VRK2: variants seen among roughly 807,000 people sequenced by gnomAD.
VRK2 encodes the protein serine/threonine-protein kinase VRK2.
Under a neutral mutation model 57.6 loss-of-function variants are expected in VRK2, and 60 were observed. The ratio of observed to expected loss-of-function variants is 1.04; its 90% CI spans 0.85 to 1.29. VRK2 has a LOEUF of 1.29. Among genes scored for constraint, VRK2 ranks in the 50% most tolerant of loss-of-function variants. The pLI, the probability that VRK2 is intolerant of heterozygous loss-of-function variation, is 0.00. For missense variants in VRK2, 705 were observed against 588.1 expected (o/e 1.20, Z -2.06); for synonymous variants, 231 against 199.2 (o/e 1.16, Z -1.35).
intron 2 of VRK2, among the ~76,000 whole-genome samples, chr2:58,073,416 G>A (rs1449410184): frequency 5.9e-5 from 9 of 151,848 alleles, no homozygotes. Flanking sequence ...TAAGTCTCCG[G>A]CTATAACAGT....
intron 9 of VRK2, 38 bp downstream of exon 9, chr2:58,131,966 G>A (rs375748183): frequency 1.9e-6 from 3 of 1,610,850 alleles, no homozygotes; most frequent in South Asian, 2.2e-5. Context: ...TACTGCACCA[G>A]GTCTGAAGGG....
intron 1 of VRK2, chr2:58,047,563 T>A (rs989588932): frequency 1.5e-5 from 9 of 609,766 alleles, no homozygotes; most frequent in Non-Finnish European, 1.8e-5. Flanking sequence ...TATTTAGAAT[T>A]TATTCCTTAA....
intron 1 of VRK2, among the ~76,000 whole-genome samples, chr2:57,921,818 G>T (rs986673692): frequency 6.6e-6 from 1 of 151,948 alleles, no homozygotes; most frequent in African/African-American, 2.4e-5. Context: ...TCCATTTCCT[G>T]GTCAGCATTC....
intron 1 of VRK2, among the ~76,000 whole-genome samples, chr2:57,995,470 AAT>A (rs1276278421): frequency 6.6e-6 from 1 of 152,226 alleles, no homozygotes; most frequent in African/African-American, 2.4e-5. Context: ...TCCTTGAAGC[AAT>A]AGTTTCATTT....
downstream of VRK2, chr2:58,159,882 G>A (rs949402305): frequency 1.3e-6 from 2 of 1,589,372 alleles, no homozygotes; most frequent in Non-Finnish European, 1.7e-6. Context: ...TAGTGTCATA[G>A]AATAGTGTCA....
chr2:58,135,241 G>A, intron 10 of VRK2, 42 bp downstream of exon 10: 4 of 1,610,032 alleles, frequency 2.5e-6, no homozygotes, highest in Non-Finnish European at 3.4e-6. Flanking sequence ...ACGATTTACA[G>A]GTTGCCACAT....
At chr2:58,076,605 G>A (rs1284445681) in intron 2 of VRK2, among the ~76,000 whole-genome samples, 1 of 151,446 alleles carries the variant, frequency 6.6e-6, no homozygotes, top group African/African-American at 2.4e-5. Context: ...TTCTATTTAG[G>A]TTTTTTATTT....
At chr2:58,037,775 T>G (rs536298264) in intron 3 of VRK2, among the ~76,000 whole-genome samples, 2 of 152,202 alleles carry the variant, frequency 1.3e-5, no homozygotes, top group South Asian at 4.1e-4. Context: ...CAGAAAATGA[T>G]CAAACTGAGT....
At chr2:58,076,814 T>TA (rs1448857466) in intron 2 of VRK2, among the ~76,000 whole-genome samples, 4 of 151,996 alleles carry the variant, frequency 2.6e-5, no homozygotes, top group Non-Finnish European at 5.9e-5. Flanking sequence ...GAATATCACC[T>TA]ATTTTGTTTG....
chr2:58,054,742 A>T (rs967156178), intron 2 of VRK2, among the ~76,000 whole-genome samples: 2 of 152,166 alleles, frequency 1.3e-5, no homozygotes, highest in African/African-American at 4.8e-5. Context: ...AAAGGCATTT[A>T]TGGTTTTTAT....
At chr2:57,928,862 C>T (rs1670627346) in intron 1 of VRK2, among the ~76,000 whole-genome samples, 1 of 152,188 alleles carries the variant, frequency 6.6e-6, no homozygotes, top group Non-Finnish European at 1.5e-5. Context: ...CTCTAGATTA[C>T]CAGACAGAGA....
chr2:58,062,920 T>G (rs1323839706), intron 2 of VRK2, among the ~76,000 whole-genome samples: 1 of 152,084 alleles, frequency 6.6e-6, no homozygotes, highest in Non-Finnish European at 1.5e-5. Context: ...CAGCCTTCTA[T>G]TGGAAGAAGA....
intron 3 of VRK2, among the ~76,000 whole-genome samples, chr2:58,034,767 G>A (rs1558551560): frequency 1.4e-5 from 2 of 147,726 alleles, no homozygotes; most frequent in Admixed American, 6.8e-5. Flanking sequence ...AGGTTCCAGA[G>A]GTTTTTTTTA....
intron 2 of VRK2, among the ~76,000 whole-genome samples, chr2:58,067,643 A>C (rs2103956023): frequency 6.6e-6 from 1 of 152,098 alleles, no homozygotes; most frequent in African/African-American, 2.4e-5. Flanking sequence ...TTTTCCATTA[A>C]GTCCTGCTTA....
chr2:58,042,497 CCTT>C (rs368292844), upstream of VRK2, among the ~76,000 whole-genome samples: 58 of 152,270 alleles, frequency 3.8e-4, no homozygotes, highest in African/African-American at 1.1e-3. Flanking sequence ...GATATGATCT[CCTT>C]ATCTCACTTT....
At chr2:58,088,201 G>C in intron 5 of VRK2, 140 bp from the exon 6 acceptor site, 1 of 636,614 alleles carries the variant, frequency 1.6e-6, no homozygotes, top group Non-Finnish European at 2.8e-6. Flanking sequence ...AATTATGAAC[G>C]TGCATTCATT....
intron 1 of VRK2, among the ~76,000 whole-genome samples, chr2:57,948,390 G>A (rs1359189312): frequency 2.6e-5 from 4 of 152,160 alleles, no homozygotes. Flanking sequence ...AGAAAGGCAA[G>A]TGCATTTAAA....
chr2:57,966,853 G>A (rs573760343), intron 1 of VRK2, among the ~76,000 whole-genome samples: 1 of 152,094 alleles, frequency 6.6e-6, no homozygotes, highest in Non-Finnish European at 1.5e-5. Flanking sequence ...AATAAAAAGT[G>A]ACCCAAAAGA....
intron 1 of VRK2, among the ~76,000 whole-genome samples, chr2:57,978,570 T>C (rs1380154236): frequency 2.0e-5 from 3 of 151,078 alleles, no homozygotes; most frequent in African/African-American, 7.4e-5. Flanking sequence ...CTAAATCATA[T>C]TGATTGACAT....
Sources: allele counts gnomAD v4.1 joint callset (sites outside exome capture counted in the v4.1 genomes callset), GRCh38; gene constraint gnomAD v4.1.1; transcripts MANE v1.5; gene names NCBI Gene and HGNC (gene_info 2026-07-23, HGNC 2026-07-21).